The following RNF182 variants were observed in gnomAD, a reference collection of about 807,000 sequenced individuals.
RNF182 encodes the protein E3 ubiquitin-protein ligase RNF182.
Under a neutral mutation model 14.4 loss-of-function variants are expected in RNF182, and 15 were observed. The observed-to-expected ratio is 1.04, with a 90% CI of 0.70 to 1.60. The LOEUF (loss-of-function observed/expected upper bound fraction) is 1.60. RNF182 is among the 40% of genes most tolerant of loss of function. The pLI, the probability that RNF182 is intolerant of heterozygous loss-of-function variation, is 0.00. For synonymous variants in RNF182, 128 were observed against 122.9 expected, an observed-to-expected ratio of 1.04 and a Z score of -0.27; for missense variants, 268 against 294.8, an observed-to-expected ratio of 0.91 and a Z score of 0.67.
chr6:13,958,896 A>G (rs1043232410), intron 1 of RNF182, among the ~76,000 whole-genome samples: 2 of 152,142 alleles, frequency 1.3e-5, no homozygotes, highest in Admixed American at 6.5e-5. Context: ...GAATAGATTA[A>G]TGCTCTTCTT....
At chr6:13,969,805 G>C (rs1760129592) in intron 1 of RNF182, among the ~76,000 whole-genome samples, 2 of 151,796 alleles carry the variant, frequency 1.3e-5, no homozygotes, top group Admixed American at 6.6e-5. Context: ...ACTTATAAAA[G>C]GATGAAAGAC....
chr6:13,959,958 G>T lies in RNF182; in HGVS notation c.-366-14252G>T, dbSNP rs564635039. ...GAGATGGAACAATCCAAGGGAAAGAGTGCAAGCAAGGGCTAGGGAGTTCTA... is the reference window on the plus strand; with the variant it reads ...GAGATGGAACAATCCAAGGGAAAGATTGCAAGCAAGGGCTAGGGAGTTCTA... On this transcript the variant is annotated intron_variant, in intron 1 of 2. Transcript: ENST00000488300. Among the ~76,000 whole-genome samples, 5 of 152,320 alleles carry T rather than the reference G, an allele frequency of 3.3e-5. No individual in the cohort carries two copies. The East Asian group carries it at 9.6e-4, about 29-fold the overall frequency.
chr6:13,971,760 G>T (rs1330633986), intron 1 of RNF182, among the ~76,000 whole-genome samples: 1 of 152,200 alleles, frequency 6.6e-6, no homozygotes, highest in East Asian at 1.9e-4. Flanking sequence ...CTCAGATGGA[G>T]ATGAGGAACT....
chr6:13,948,586 C>T (rs548239818), intron 1 of RNF182, among the ~76,000 whole-genome samples: 1 of 152,230 alleles, frequency 6.6e-6, no homozygotes, highest in Admixed American at 6.5e-5. Flanking sequence ...CATTATTGGA[C>T]TTCAGGGGAC....
rs746457582 is a variant in RNF182, at chr6:13,926,905, A to G, written c.-367+1882A>G. 2.0e-5 allele frequency among the ~76,000 whole-genome samples: 3 copies of G among 152,066 alleles called. No individual in the cohort carries two copies. The South Asian group carries it at 6.2e-4, about 31-fold the overall frequency. The stretch of plus-strand genomic sequence containing the variant: ...GTGCTTTCTGCCAGATGAAACCCAC[A>G]CTGTGAGTTCTAGCCTAAACATTTA... On this transcript the variant is annotated intron_variant, in intron 1 of 2. Coordinates refer to ENST00000488300, the MANE Select transcript of RNF182 (RefSeq NM_152737.4).
At chr6:13,973,561 T>C (rs972455813) in intron 1 of RNF182, among the ~76,000 whole-genome samples, 2 of 152,200 alleles carry the variant, frequency 1.3e-5, no homozygotes, top group African/African-American at 4.8e-5. Flanking sequence ...CTCATGATAG[T>C]GAGTTCTCAC....
chr6:13,970,112 G>GGTA (rs754173907), intron 1 of RNF182, among the ~76,000 whole-genome samples: 3 of 152,000 alleles, frequency 2.0e-5, no homozygotes, highest in Admixed American at 1.3e-4. Flanking sequence ...GGGTAATTAG[G>GGTA]GTATTCATCA....
chr6:13,965,949 G>C (rs73364324), intron 1 of RNF182, among the ~76,000 whole-genome samples: 2,570 of 152,314 alleles, frequency 0.017, 51 homozygotes, highest in African/African-American at 0.051. Flanking sequence ...CAAGGATCTG[G>C]TGTGGTGATC....
At chr6:13,929,859 T>G (rs1028541277) in intron 1 of RNF182, among the ~76,000 whole-genome samples, 23 of 152,316 alleles carry the variant, frequency 1.5e-4, no homozygotes, top group African/African-American at 4.3e-4. Context: ...CCCCATCTTA[T>G]TTTCTCTTTT....
chr6:13,969,395 A>C (rs971971457), intron 1 of RNF182, among the ~76,000 whole-genome samples: 1 of 152,152 alleles, frequency 6.6e-6, no homozygotes, highest in African/African-American at 2.4e-5. Flanking sequence ...GTGATCAGCC[A>C]GGCCTGGTCC....
rs918611775 is a variant in RNF182 at position 13,963,601 on chromosome 6, G to A, written c.-366-10609G>A. Among the ~76,000 whole-genome samples, 7 of 152,172 alleles carry A rather than the reference G, an allele frequency of 4.6e-5. No homozygotes were observed. In the East Asian group the frequency reaches 1.3e-3, roughly 29 times the overall value. ...TCTCACATGACTAGAGTTGGTGCTG[G>A]CTTTTGTCTGGGCCTTTCTCTCTAT... On this transcript the variant is annotated intron_variant, in intron 1 of 2. Coordinates refer to ENST00000488300, the MANE Select transcript of RNF182 (RefSeq NM_152737.4).
chr6:13,959,593 GA>G (rs1345718972), intron 1 of RNF182, among the ~76,000 whole-genome samples: 2 of 152,236 alleles, frequency 1.3e-5, no homozygotes, highest in Non-Finnish European at 2.9e-5. Context: ...AAGATGGAAT[GA>G]AATTGGAAGA....
chr6:13,955,538 C>A (rs776614859), intron 1 of RNF182, among the ~76,000 whole-genome samples: 10 of 152,138 alleles, frequency 6.6e-5, no homozygotes, highest in Non-Finnish European at 1.2e-4. Flanking sequence ...GGCTTTTTAA[C>A]ATACTTGGTG....
Position 13,958,717 on chromosome 6 carries a change from G to A in RNF182, c.-366-15493G>A, listed in dbSNP as rs116554154. Among the ~76,000 whole-genome samples, 611 of 152,304 alleles carry A rather than the reference G, an allele frequency of 4.0e-3. 3 individuals are homozygous for A. The highest frequency in any genetic ancestry group is 0.027 in the Middle Eastern group (8 of 292). The stretch of plus-strand genomic sequence containing the variant: ...AATAAGTTAAATTGGGCTTCTTGAA[G>A]TTTGTTGAAGGAAGTAAACAGAGTG... On this transcript the variant is annotated intron_variant, in intron 1 of 2. Transcript: ENST00000488300.
rs1561791337 is a variant in RNF182, at chr6:13,978,071, CT to C, written c.*209del. 1.8e-5 allele frequency: 10 copies of C among 544,596 alleles called. No individual in the cohort carries two copies. Among genetic ancestry groups the C allele is most frequent in the East Asian group, 1.6e-4 (5 of 31,252 alleles). 33.7% of individuals were successfully genotyped at this position (544,596 alleles called of 1,614,324 possible). A position where few individuals can be genotyped will look rare whatever the true frequency, so the allele number is the denominator to read the frequency against. ...TTAGGGGTTAGCAAAATTGTATAAG[CT>C]CACACTTCATGGAGCACTGACAGCA... On this transcript the variant is annotated 3_prime_UTR_variant, in exon 3 of 3. Coordinates refer to ENST00000488300, the MANE Select transcript of RNF182 (RefSeq NM_152737.4).
rs200937239 is a variant in RNF182 at position 13,946,140 on chromosome 6, CATTATTATTATT to C, written c.-367+21148_-367+21159del. 1.7e-3 allele frequency among the ~76,000 whole-genome samples: 239 copies of C among 137,410 alleles called. 2 individuals are homozygous for C. Among genetic ancestry groups the C allele is most frequent in the African/African-American group, 5.6e-3 (207 of 37,160 alleles). 90.1% of individuals were successfully genotyped at this position (137,410 alleles called of 152,430 possible). On this transcript the variant is annotated intron_variant, in intron 1 of 2. Transcript: ENST00000488300. ...AATCTGTATTATCTTTAAAGCAAAA[CATTATTATTATT>C]ATTATTATTATTATTATTATTATTA...
intron 2 of RNF182, among the ~76,000 whole-genome samples, chr6:13,976,555 C>T (rs559488412): frequency 1.3e-5 from 2 of 152,306 alleles, no homozygotes; most frequent in East Asian, 3.9e-4. Flanking sequence ...GTTTCTGATA[C>T]ATGTCCCATT....
intron 1 of RNF182, among the ~76,000 whole-genome samples, chr6:13,931,498 G>C (rs138164888): frequency 5.8e-4 from 88 of 152,196 alleles, no homozygotes; most frequent in African/African-American, 2.0e-3. Flanking sequence ...TCATTCTCCT[G>C]CATGACATGG....
rs144985032 is a variant in RNF182, at chr6:13,977,392, G to A, written c.273G>A (p.Leu91=). The change falls in exon 3 of 3, where the codon TTG becomes TTA. Residue 91 remains leucine (L), a synonymous_variant. Transcript: ENST00000488300. ...ATGACAACAACATCCTTGTAAACTT[G>A]ACTTGTGGAGGCAAAGGGAAGAAGT... is the stretch of plus-strand genomic sequence containing the variant. The part of the protein sequence containing the change: ...LPDDNNILVN[L]TCGGKGKKCL... 467 of 1,614,122 alleles carry A rather than the reference G, an allele frequency of 2.9e-4. 2 individuals are homozygous for A. In the East Asian group the frequency reaches 9.9e-3, roughly 34 times the overall value.
Sources: allele counts gnomAD v4.1 joint callset (sites outside exome capture counted in the v4.1 genomes callset), GRCh38; gene constraint gnomAD v4.1.1; transcripts MANE v1.5; gene names NCBI Gene and HGNC (gene_info 2026-07-23, HGNC 2026-07-21).